The following MACROD2 variants were observed in gnomAD, a reference collection of about 807,000 sequenced individuals.
MACROD2 encodes the protein ADP-ribose glycohydrolase MACROD2.
A neutral mutation model predicts 70.4 loss-of-function variants in MACROD2; 36 were observed. The ratio of observed to expected loss-of-function variants is 0.51; its 90% CI spans 0.39 to 0.68. The LOEUF is 0.68. Ranked by LOEUF, MACROD2 falls within the 30% of genes least tolerant of loss-of-function variation. MACROD2 has a pLI of 0.00. For synonymous variants in MACROD2, 172 were observed against 178.8 expected, an observed-to-expected ratio of 0.96 and a Z score of 0.30; for missense variants, 496 against 538.4, an observed-to-expected ratio of 0.92 and a Z score of 0.78.
At chr20:14,870,094 T>C (rs567262591) in intron 5 of MACROD2, among the ~76,000 whole-genome samples, 1 of 152,228 alleles carries the variant, frequency 6.6e-6, no homozygotes, top group East Asian at 1.9e-4. Context: ...CTGATCTCTT[T>C]CTCTTCTCAC....
At chr20:14,391,588 A>G (rs1346250395) in intron 3 of MACROD2, among the ~76,000 whole-genome samples, 2 of 151,982 alleles carry the variant, frequency 1.3e-5, no homozygotes, top group Non-Finnish European at 2.9e-5. Context: ...TTAGTTATGT[A>G]ACAAACCTCC....
intron 5 of MACROD2, among the ~76,000 whole-genome samples, chr20:14,979,783 A>T (rs1000093582): frequency 4.6e-5 from 7 of 152,218 alleles, no homozygotes; most frequent in African/African-American, 1.7e-4. Context: ...AAGAGAAGCT[A>T]CTTGTTCTGA....
chr20:15,392,704 C>T (rs1292595003), intron 6 of MACROD2, among the ~76,000 whole-genome samples: 1 of 152,064 alleles, frequency 6.6e-6, no homozygotes, highest in East Asian at 1.9e-4. Context: ...TTTGTTCTCT[C>T]TCTTTCCCTT....
intron 5 of MACROD2, among the ~76,000 whole-genome samples, chr20:14,765,870 GTTATGAAAACC>G (rs1170864195): frequency 6.6e-6 from 1 of 152,050 alleles, no homozygotes; most frequent in African/African-American, 2.4e-5. Flanking sequence ...AAAGCCTTCA[GTTATGAAAACC>G]TTATGAAAAC....
intron 6 of MACROD2, among the ~76,000 whole-genome samples, chr20:15,331,485 G>C (rs1316420529): frequency 6.6e-6 from 1 of 151,332 alleles, no homozygotes; most frequent in Non-Finnish European, 1.5e-5. Context: ...TAATTTAAAA[G>C]AATTAGTTAA....
At chr20:15,093,688 A>G (rs1475347549) in intron 5 of MACROD2, among the ~76,000 whole-genome samples, 1 of 152,200 alleles carries the variant, frequency 6.6e-6, no homozygotes, top group Non-Finnish European at 1.5e-5. Context: ...CAGAACCTTT[A>G]ATATTCATTC....
chr20:15,090,273 G>T (rs1389784321), intron 5 of MACROD2, among the ~76,000 whole-genome samples: 1 of 152,010 alleles, frequency 6.6e-6, no homozygotes, highest in Non-Finnish European at 1.5e-5. Flanking sequence ...TTAGGGTTAA[G>T]AATGCTAATT....
chr20:15,540,662 A>G (rs1015508852), intron 8 of MACROD2, among the ~76,000 whole-genome samples: 3 of 152,204 alleles, frequency 2.0e-5, no homozygotes, highest in African/African-American at 7.2e-5. Context: ...AACAATAGAA[A>G]CAATAGAAAT....
intron 5 of MACROD2, among the ~76,000 whole-genome samples, chr20:14,922,718 C>CT (rs1383526652): frequency 1.3e-5 from 2 of 152,210 alleles, no homozygotes; most frequent in East Asian, 3.9e-4. Context: ...TGGTACCAGA[C>CT]TAAGAAAATT....
At position 15,984,375 on chromosome 20, in the gene MACROD2, G is replaced by T. The variant is rs552844888; in HGVS notation, c.986-2352G>T. Among the ~76,000 whole-genome samples, 8 of 151,790 alleles carry T rather than the reference G, an allele frequency of 5.3e-5. No homozygotes were observed. The South Asian group carries it at 8.3e-4, about 16-fold the overall frequency. On this transcript the variant is annotated intron_variant, in intron 13 of 17. Transcript: ENST00000684519. Reference sequence around the variant, plus strand: ...TCCCTTTATAATTTTTTTACTAAAGGTATATTTTACTTTTCTTATACACCT... The same window carrying T: ...TCCCTTTATAATTTTTTTACTAAAGTTATATTTTACTTTTCTTATACACCT...
chr20:15,953,939 G>GT (rs2065941506), intron 12 of MACROD2, among the ~76,000 whole-genome samples: 1 of 152,082 alleles, frequency 6.6e-6, no homozygotes, highest in Non-Finnish European at 1.5e-5. Context: ...TTTGCTCACT[G>GT]TTTTTTCTTG....
At chr20:14,972,256 A>C (rs968038153) in intron 5 of MACROD2, among the ~76,000 whole-genome samples, 2 of 152,188 alleles carry the variant, frequency 1.3e-5, no homozygotes, top group Non-Finnish European at 2.9e-5. Context: ...AAGAGAGTGG[A>C]GAAAGGCTTC....
chr20:15,162,129 C>T (rs2076352829), intron 5 of MACROD2, among the ~76,000 whole-genome samples: 1 of 151,998 alleles, frequency 6.6e-6, no homozygotes, highest in African/African-American at 2.4e-5. Context: ...TACCTAGAAG[C>T]TGAGTAATAA....
rs150583995 is a variant in MACROD2 at position 14,396,585 on chromosome 20, T to G, written c.272-96894T>G. Reference sequence around the variant, plus strand: ...TTCTAACTTTTTTGTGTCTTTACATTAAAAGGGGATTATCTGTATCAGCCT... The same window carrying G: ...TTCTAACTTTTTTGTGTCTTTACATGAAAAGGGGATTATCTGTATCAGCCT... On this transcript the variant is annotated intron_variant, in intron 3 of 17. Transcript: ENST00000684519. 1.8e-4 allele frequency among the ~76,000 whole-genome samples: 28 copies of G among 152,288 alleles called. No homozygotes were observed. In the East Asian group the frequency reaches 4.6e-3, roughly 25 times the overall value.
rs185430428 is a variant in MACROD2, at chr20:15,063,211, A to C, written c.419-166729A>C. On this transcript the variant is annotated intron_variant, in intron 5 of 17. Coordinates refer to ENST00000684519, the MANE Select transcript of MACROD2 (RefSeq NM_001351661.2). The stretch of plus-strand genomic sequence containing the variant: ...AAGGAAGGACAAGGCCCTCAAAGCA[A>C]GAAGCTACCGACTCTGGGAACTGCA... Among the ~76,000 whole-genome samples the C allele has an allele frequency of 5.7e-3, 871 of 152,308 alleles. 7 individuals are homozygous for C. Among genetic ancestry groups the C allele is most frequent in the Non-Finnish European group, 9.0e-3 (614 of 68,022 alleles).
intron 16 of MACROD2, 96 bp downstream of exon 16, chr20:16,041,374 C>T (rs2067305638): frequency 1.0e-6 from 1 of 986,916 alleles, no homozygotes; most frequent in East Asian, 2.8e-5. Flanking sequence ...TTCTATAAAG[C>T]AACATATTTG....
intron 5 of MACROD2, among the ~76,000 whole-genome samples, chr20:14,857,416 T>A (rs778763882): frequency 3.3e-5 from 5 of 152,224 alleles, no homozygotes; most frequent in Non-Finnish European, 5.9e-5. Flanking sequence ...GGAGATATTT[T>A]TTAGCTTCCT....
chr20:15,358,908 C>T (rs1165192977), intron 6 of MACROD2, among the ~76,000 whole-genome samples: 2 of 152,044 alleles, frequency 1.3e-5, no homozygotes, highest in East Asian at 3.9e-4. Flanking sequence ...ACCTCCAGTA[C>T]TCTCCCACTG....
At chr20:15,652,223 A>T (rs2049655664) in intron 8 of MACROD2, among the ~76,000 whole-genome samples, 1 of 152,216 alleles carries the variant, frequency 6.6e-6, no homozygotes, top group Non-Finnish European at 1.5e-5. Flanking sequence ...TAGGCCCTTT[A>T]TAGTCACAAA....
Sources: gnomAD v4.1 joint callset for allele counts (sites outside exome capture counted in the v4.1 genomes callset) on GRCh38, gnomAD v4.1.1 for gene constraint, MANE v1.5 for transcripts, NCBI Gene and HGNC (gene_info 2026-07-23, HGNC 2026-07-21) for gene names.